FER1L6: variants seen among roughly 807,000 people sequenced by gnomAD.
FER1L6 encodes the protein fer-1-like protein 6.
FER1L6 carries 177 observed loss-of-function variants against 219.2 expected under a neutral mutation model. The observed-to-expected ratio is 0.81, with a 90% CI of 0.71 to 0.91. FER1L6 has a LOEUF of 0.91. Among genes scored for constraint, FER1L6 ranks in the 40% least tolerant of loss-of-function variants. The pLI is 0.00. For missense variants in FER1L6, 2,153 were observed against 2,259.9 expected (o/e 0.95, Z 0.96); for synonymous variants, 768 against 824.3 (o/e 0.93, Z 1.17).
At chr8:123,954,249 A>G (rs1814913916) in intron 1 of FER1L6, among the ~76,000 whole-genome samples, 1 of 152,198 alleles carries the variant, frequency 6.6e-6, no homozygotes, top group African/African-American at 2.4e-5. Flanking sequence ...GTCTCAAAGG[A>G]TCCTTGAATT....
At chr8:123,982,160 T>C (rs1816353095) in intron 11 of FER1L6, among the ~76,000 whole-genome samples, 1 of 152,202 alleles carries the variant, frequency 6.6e-6, no homozygotes, top group African/African-American at 2.4e-5. Flanking sequence ...CATGCCAACT[T>C]TGGAGACTTA....
rs769832760 is a variant in FER1L6, at chr8:123,980,511, G to T, written c.1110G>T (p.Ser370=). 6.2e-7 allele frequency: 1 copy of T among 1,613,272 alleles called. No individual in the cohort carries two copies. Among genetic ancestry groups the T allele is most frequent in the South Asian group, 1.1e-5 (1 of 91,036 alleles). Residue 370 remains serine, a synonymous_variant, in exon 11 of 41, where the codon TCG becomes TCT. Coordinates refer to ENST00000522917, the MANE Select transcript of FER1L6 (RefSeq NM_001039112.2). The part of the protein sequence containing the change: ...FGPAWINLYG[S]PRNHSLMDDY... ...CTGCCTGGATTAACCTGTATGGCTC[G>T]CCCAGGAACCACAGTCTGATGGATG... is the stretch of plus-strand genomic sequence containing the variant.
At chr8:123,986,512 A>G (rs1043014369) in intron 12 of FER1L6, among the ~76,000 whole-genome samples, 2 of 152,164 alleles carry the variant, frequency 1.3e-5, no homozygotes, top group African/African-American at 4.8e-5. Flanking sequence ...TTGGTTACCA[A>G]CAATCCATAT....
intron 25 of FER1L6, among the ~76,000 whole-genome samples, chr8:124,063,226 T>C (rs980693376): frequency 1.3e-5 from 2 of 152,232 alleles, no homozygotes; most frequent in Non-Finnish European, 2.9e-5. Flanking sequence ...ATATTGTTCA[T>C]ATCTTTTCCT....
chr8:124,115,730 A>C (rs1297165247), intron 39 of FER1L6, among the ~76,000 whole-genome samples: 1 of 152,194 alleles, frequency 6.6e-6, no homozygotes, highest in African/African-American at 2.4e-5. Context: ...TTTATTTTTC[A>C]AAGCAACCGT....
intron 22 of FER1L6, among the ~76,000 whole-genome samples, chr8:124,052,744 C>T (rs550361595): frequency 1.3e-5 from 2 of 152,170 alleles, no homozygotes; most frequent in Non-Finnish European, 2.9e-5. Flanking sequence ...GAGATCGTGT[C>T]ACTGCACTCC....
At chr8:124,071,698 G>T in intron 31 of FER1L6, 67 bp downstream of exon 31, 1 of 1,536,520 alleles carries the variant, frequency 6.5e-7, no homozygotes. Flanking sequence ...CAAAATATAT[G>T]GCAGACTGGG....
Position 124,049,590 on chromosome 8 carries a change from T to C in FER1L6, c.2725-17T>C. The C allele has an allele frequency of 1.2e-6, 2 of 1,613,358 alleles. No individual in the cohort carries two copies. Among genetic ancestry groups the C allele is most frequent in the Non-Finnish European group, 1.7e-6 (2 of 1,179,828 alleles). ...TTAATGATCAGGAAATACAAACTCATTTCTTTTCTTCTTTAGGGGAAGCCA... is the reference window on the plus strand; with the variant it reads ...TTAATGATCAGGAAATACAAACTCACTTCTTTTCTTCTTTAGGGGAAGCCA... On this transcript the variant is annotated splice_polypyrimidine_tract_variant and intron_variant, in intron 21 of 40. Coordinates refer to ENST00000522917, the MANE Select transcript of FER1L6 (RefSeq NM_001039112.2).
intron 18 of FER1L6, among the ~76,000 whole-genome samples, chr8:124,030,927 G>C (rs1349752867): frequency 6.6e-6 from 1 of 152,118 alleles, no homozygotes; most frequent in Non-Finnish European, 1.5e-5. Flanking sequence ...GTGGGAGGTG[G>C]GGAAGGCACA....
intron 16 of FER1L6, among the ~76,000 whole-genome samples, chr8:124,018,498 T>C (rs1818305096): frequency 6.6e-6 from 1 of 152,160 alleles, no homozygotes; most frequent in South Asian, 2.1e-4. Flanking sequence ...CTCTGGAACA[T>C]TTCAGGGAGG....
At chr8:123,904,862 A>G (rs1294044738) in intron 1 of FER1L6, among the ~76,000 whole-genome samples, 10 of 152,238 alleles carry the variant, frequency 6.6e-5, no homozygotes, top group Admixed American at 6.5e-4. Context: ...TTCAAGAGTC[A>G]GTTGTTAAAC....
chr8:124,077,015 A>G (rs13254498), intron 32 of FER1L6, among the ~76,000 whole-genome samples: 121,249 of 152,236 alleles, frequency 0.8, 48,727 homozygotes, highest in Non-Finnish European at 0.86. Flanking sequence ...TGATCCTCCA[A>G]TATGATGTGC....
intron 1 of FER1L6, among the ~76,000 whole-genome samples, chr8:123,943,292 C>A (rs2130007266): frequency 6.6e-6 from 1 of 152,328 alleles, no homozygotes; most frequent in Non-Finnish European, 1.5e-5. Context: ...GGCATTGACA[C>A]TGTCTGGAGC....
rs771710379 is a variant in FER1L6, at chr8:124,035,367, T to A, written c.2377T>A (p.Leu793Met). 8.7e-6 allele frequency: 14 copies of A among 1,613,990 alleles called. No homozygotes were observed. Among genetic ancestry groups the A allele is most frequent in the Non-Finnish European group, 1.2e-5 (14 of 1,180,006 alleles). Residue 793 changes from leucine (L) to methionine (M), a missense_variant, in exon 19 of 41, where the codon TTG becomes ATG. Physicochemically the swap from Leu to Met is conservative, Grantham distance 15. Coordinates refer to ENST00000522917, the MANE Select transcript of FER1L6 (RefSeq NM_001039112.2). The part of the protein sequence containing the change: ...LGSIKHASAI[L>M]DNLPVGYEAE... ...CTCCATCAAGCATGCCAGTGCCATT[T>A]TGGACAACTTGCCAGTAGGCTATGA...
At chr8:124,028,902 G>T (rs10107143) in intron 18 of FER1L6, among the ~76,000 whole-genome samples, 42,230 of 152,104 alleles carry the variant, frequency 0.28, 5,985 homozygotes, top group Admixed American at 0.31. Flanking sequence ...AGCCTTGCAT[G>T]TATTAGGTAT....
At chr8:123,972,312 G>A (rs866219141) in intron 6 of FER1L6, among the ~76,000 whole-genome samples, 10 of 152,216 alleles carry the variant, frequency 6.6e-5, no homozygotes, top group African/African-American at 1.7e-4. Flanking sequence ...AAAGCCTTCC[G>A]TTCATCTGTC....
chr8:123,855,681 A>ATGTGTG (rs368208328), intron 1 of FER1L6, among the ~76,000 whole-genome samples: 22 of 97,482 alleles, frequency 2.3e-4, no homozygotes, highest in African/African-American at 7.5e-4. Flanking sequence ...TGAAAACCAT[A>ATGTGTG]TGTGTGTGTG....
chr8:123,951,213 CT>C, intron 1 of FER1L6, among the ~76,000 whole-genome samples: 2 of 152,282 alleles, frequency 1.3e-5, no homozygotes, highest in Middle Eastern at 3.4e-3. Context: ...ACCACCGAGC[CT>C]TTGTCCCATC....
At chr8:124,083,129 A>G (rs554236697) in intron 33 of FER1L6, among the ~76,000 whole-genome samples, 11 of 150,918 alleles carry the variant, frequency 7.3e-5, no homozygotes, top group Non-Finnish European at 1.5e-4. Context: ...ATCACCTCAA[A>G]TATTTATCCT....
Sources: gnomAD v4.1 joint callset for allele counts (sites outside exome capture counted in the v4.1 genomes callset) on GRCh38, gnomAD v4.1.1 for gene constraint, MANE v1.5 for transcripts, NCBI Gene and HGNC (gene_info 2026-07-23, HGNC 2026-07-21) for gene names.